IMMT: variants seen among roughly 807,000 people sequenced by gnomAD.
IMMT encodes the protein MICOS complex subunit MIC60.
IMMT carries 40 observed loss-of-function variants against 92.7 expected under a neutral mutation model. That is an observed-to-expected ratio of 0.43 (90% CI 0.34 to 0.56). The LOEUF (loss-of-function observed/expected upper bound fraction) is 0.56. IMMT is among the 20% of genes least tolerant of loss of function. The probability of loss-of-function intolerance (pLI) is 0.03; values close to 1 mark genes in which losing one functional copy is unlikely to be tolerated. For synonymous variants in IMMT, 322 were observed against 336.1 expected (o/e 0.96, Z 0.46); for missense variants, 831 against 912.1 (o/e 0.91, Z 1.14).
intron 6 of IMMT, among the ~76,000 whole-genome samples, chr2:86,168,115 C>T (rs1676844247): frequency 6.6e-6 from 1 of 152,098 alleles, no homozygotes; most frequent in South Asian, 2.1e-4. Context: ...CAAAACAAAA[C>T]CCAAAGGCAA....
In IMMT at chr2:86,144,372, G is replaced by A; in HGVS notation, c.2173C>T (p.Leu725=). Reference sequence around the variant, plus strand: ...TCTAGGGTCATTCGGGCTTCCTTCAGCCAGTCCTGTGCCACTCGTCTGGAT... The same window carrying A: ...TCTAGGGTCATTCGGGCTTCCTTCAACCAGTCCTGTGCCACTCGTCTGGAT... ...GESRRVAQDW[L]KEARMTLETK... The change falls in exon 15 of 15, where the codon CTG becomes TTG. Residue 725 remains leucine, a synonymous_variant. Transcript: ENST00000410111. The A allele has an allele frequency of 6.2e-7, 1 of 1,614,002 alleles. No homozygotes were observed. Among genetic ancestry groups the A allele is most frequent in the Non-Finnish European group, 8.5e-7 (1 of 1,179,900 alleles).
intron 3 of IMMT, among the ~76,000 whole-genome samples, chr2:86,178,852 AG>A (rs1360912003): frequency 6.6e-6 from 1 of 152,098 alleles, no homozygotes; most frequent in Non-Finnish European, 1.5e-5. Flanking sequence ...ACCTGAGGTC[AG>A]GAGTTTGAGA....
intron 11 of IMMT, among the ~76,000 whole-genome samples, chr2:86,153,340 C>CACA (rs1244774923): frequency 6.8e-6 from 1 of 148,146 alleles, no homozygotes. Flanking sequence ...CACACACACA[C>CACA]ACTTCACATC....
At chr2:86,170,689 T>G in intron 6 of IMMT, 60 bp downstream of exon 6, 1 of 1,125,738 alleles carries the variant, frequency 8.9e-7, no homozygotes, top group Non-Finnish European at 1.3e-6. Flanking sequence ...GCTGATAGTT[T>G]AAGAAGAGAG....
At chr2:86,169,812 G>A (rs1251566889) in intron 6 of IMMT, among the ~76,000 whole-genome samples, 1 of 152,088 alleles carries the variant, frequency 6.6e-6, no homozygotes, top group East Asian at 1.9e-4. Context: ...AGCACTTTGG[G>A]AGGCCAAGGT....
intron 10 of IMMT, among the ~76,000 whole-genome samples, chr2:86,156,042 C>T (rs1457873763): frequency 6.6e-6 from 1 of 152,170 alleles, no homozygotes; most frequent in Non-Finnish European, 1.5e-5. Context: ...AAGGGACCTT[C>T]ATTTTCTACA....
At chr2:86,163,817 G>A (rs1676453942) in intron 7 of IMMT, among the ~76,000 whole-genome samples, 1 of 151,520 alleles carries the variant, frequency 6.6e-6, no homozygotes, top group Admixed American at 6.6e-5. Flanking sequence ...TACTAAGATG[G>A]GTGTGGTGAT....
chr2:86,180,328 C>G (rs60339010), intron 2 of IMMT, among the ~76,000 whole-genome samples: 1 of 152,040 alleles, frequency 6.6e-6, no homozygotes, highest in East Asian at 2.0e-4. Flanking sequence ...TGCGATGGCA[C>G]GATCTTGGCT....
chr2:86,181,622 C>T (rs1438496922), intron 1 of IMMT, among the ~76,000 whole-genome samples: 1 of 151,628 alleles, frequency 6.6e-6, no homozygotes, highest in Non-Finnish European at 1.5e-5. Flanking sequence ...GATCAATTAG[C>T]ACCTTTAAAT....
chr2:86,151,541 A>C, intron 11 of IMMT, 21 bp from the exon 12 acceptor site: 2 of 1,541,500 alleles, frequency 1.3e-6, no homozygotes, highest in Non-Finnish European at 1.8e-6. Context: ...GAGCATGTTA[A>C]AATATTAATG....
chr2:86,174,200 G>A (rs184651087), intron 3 of IMMT, among the ~76,000 whole-genome samples: 18 of 152,296 alleles, frequency 1.2e-4, no homozygotes, highest in Non-Finnish European at 1.3e-4. Context: ...TGATCTCCAG[G>A]ATTCATGCAA....
chr2:86,156,624 T>C (rs909448546), intron 10 of IMMT, among the ~76,000 whole-genome samples: 35 of 141,754 alleles, frequency 2.5e-4, no homozygotes, highest in Non-Finnish European at 5.0e-4. Flanking sequence ...AGTTTTGCGA[T>C]AGGCACTTTC....
At chr2:86,156,568 T>G (rs1200950448) in intron 10 of IMMT, among the ~76,000 whole-genome samples, 4 of 128,166 alleles carry the variant, frequency 3.1e-5, no homozygotes, top group African/African-American at 1.2e-4. Context: ...CACTCCAGCC[T>G]GGGTGACACA....
chr2:86,169,156 G>A (rs1381290998), intron 6 of IMMT, among the ~76,000 whole-genome samples: 1 of 152,224 alleles, frequency 6.6e-6, no homozygotes, highest in African/African-American at 2.4e-5. Flanking sequence ...AATGAAAGAT[G>A]AGAGGAACCA....
chr2:86,175,970 A>G (rs1677402133), intron 3 of IMMT, among the ~76,000 whole-genome samples: 1 of 152,232 alleles, frequency 6.6e-6, no homozygotes, highest in Non-Finnish European at 1.5e-5. Context: ...TTTGATTAAC[A>G]TTGGTTGAAT....
rs920227118 is a variant in IMMT at position 86,144,378 on chromosome 2, C to A, written c.2167G>T (p.Asp723Tyr). Residue 723 changes from aspartate to tyrosine, a missense_variant, in exon 15 of 15, where the codon GAC (aspartate) becomes TAC (tyrosine). Physicochemically the swap from Asp to Tyr is radical, Grantham distance 160. Coordinates refer to ENST00000410111, the MANE Select transcript of IMMT (RefSeq NM_006839.3). ...LKGESRRVAQ[D>Y]WLKEARMTLE... Reference sequence around the variant, plus strand: ...GTCATTCGGGCTTCCTTCAGCCAGTCCTGTGCCACTCGTCTGGATTCCCCC... The same window carrying A: ...GTCATTCGGGCTTCCTTCAGCCAGTACTGTGCCACTCGTCTGGATTCCCCC... 1 of 1,614,022 alleles carries A rather than the reference C, an allele frequency of 6.2e-7. No homozygotes were observed. The highest frequency in any genetic ancestry group is 1.1e-5 in the South Asian group (1 of 91,078).
At chr2:86,167,249 G>A (rs1199951580) in intron 6 of IMMT, among the ~76,000 whole-genome samples, 1 of 137,514 alleles carries the variant, frequency 7.3e-6, no homozygotes, top group Non-Finnish European at 1.5e-5. Context: ...TCGGCTCACT[G>A]CAAGCTCCGC....
intron 1 of IMMT, among the ~76,000 whole-genome samples, chr2:86,191,338 C>T (rs1673102566): frequency 1.6e-5 from 2 of 128,476 alleles, no homozygotes; most frequent in Admixed American, 8.0e-5. Flanking sequence ...GAGCAAGACC[C>T]TATCTCAAAA....
intron 10 of IMMT, among the ~76,000 whole-genome samples, chr2:86,156,522 A>G (rs1379723570): frequency 6.9e-6 from 1 of 144,248 alleles, no homozygotes; most frequent in Non-Finnish European, 1.5e-5. Context: ...TGAACCCATG[A>G]GGCGGAGGTT....
Sources: allele counts gnomAD v4.1 joint callset (sites outside exome capture counted in the v4.1 genomes callset), GRCh38; gene constraint gnomAD v4.1.1; transcripts MANE v1.5; gene names NCBI Gene and HGNC (gene_info 2026-07-23, HGNC 2026-07-21).